TNN: variants seen among roughly 807,000 people sequenced by gnomAD.
The protein encoded by TNN is tenascin N.
Under a neutral mutation model 134.4 loss-of-function variants are expected in TNN, and 122 were observed. The observed-to-expected ratio is 0.91, with a 90% confidence interval of 0.78 to 1.06. TNN has a LOEUF of 1.06. TNN is among the 50% of genes least tolerant of loss of function. The probability of loss-of-function intolerance (pLI) is 0.00; values close to 1 mark genes in which losing one functional copy is unlikely to be tolerated. For synonymous variants in TNN, 710 were observed against 670.3 expected (o/e 1.06, Z -0.91); for missense variants, 1,739 against 1,699.4 (o/e 1.02, Z -0.41).
intron 8 of TNN, among the ~76,000 whole-genome samples, chr1:175,098,091 C>G (rs1181407998): frequency 1.3e-5 from 2 of 152,176 alleles, no homozygotes; most frequent in Non-Finnish European, 2.9e-5. Context: ...GAGAAGACAT[C>G]GTTCCTCCAA....
intron 17 of TNN, among the ~76,000 whole-genome samples, chr1:175,138,498 C>T (rs1300895123): frequency 6.6e-6 from 1 of 151,992 alleles, no homozygotes; most frequent in Non-Finnish European, 1.5e-5. Flanking sequence ...AGGCACCTAC[C>T]AGAGTATGAG....
At chr1:175,073,011 G>T (rs1378275580) in intron 1 of TNN, among the ~76,000 whole-genome samples, 1 of 114,080 alleles carries the variant, frequency 8.8e-6, no homozygotes. Context: ...CAGGCTGGGG[G>T]TGGGGGGTCG....
At chr1:175,091,297 G>T (rs1464758554) in intron 6 of TNN, among the ~76,000 whole-genome samples, 3 of 152,206 alleles carry the variant, frequency 2.0e-5, no homozygotes, top group Non-Finnish European at 4.4e-5. Context: ...GCTGTGACTG[G>T]CACTGTGAGC....
rs768005076 is a variant in TNN at position 175,105,429 on chromosome 1, T to G, written c.2119+6834T>G. Among the ~76,000 whole-genome samples the G allele has an allele frequency of 1.5e-4, 22 of 143,942 alleles. 1 individual carries two copies. Among genetic ancestry groups the G allele is most frequent in the Non-Finnish European group, 2.6e-4 (17 of 65,132 alleles). The allele number at this position is 143,942 out of a possible 152,430, so 94.4% of individuals were successfully genotyped here. On this transcript the variant is annotated intron_variant, in intron 9 of 18. Coordinates refer to ENST00000239462, the MANE Select transcript of TNN (RefSeq NM_022093.2). ...TGGGCAGGGGAGATTAGAGGAGGAG[T>G]ATCATCAATAGGAAGGGAAGCTATA...
chr1:175,110,882 T>TG (rs1470284931), intron 9 of TNN, among the ~76,000 whole-genome samples: 1 of 152,122 alleles, frequency 6.6e-6, no homozygotes, highest in Non-Finnish European at 1.5e-5. Context: ...ATTTTAGAAT[T>TG]TTTTTTTCTA....
At chr1:175,104,735 A>G (rs1394323935) in intron 9 of TNN, among the ~76,000 whole-genome samples, 1 of 145,756 alleles carries the variant, frequency 6.9e-6, no homozygotes, top group African/African-American at 2.5e-5. Flanking sequence ...CTTTCTCCTG[A>G]TATCTGTGGC....
rs1371587554 is a variant in TNN at position 175,079,643 on chromosome 1, C to T, written c.720C>T (p.His240=). ...GCTGTCCCGGCGACTGCAGCGGCCA[C>T]GGCTTCTGTGACACGGGCGAGTGCT... ...EKRCPGDCSG[H]GFCDTGECYC... The change falls in exon 3 of 19, where the codon CAC becomes CAT. Residue 240 remains histidine, a synonymous_variant. Coordinates refer to ENST00000239462, the MANE Select transcript of TNN (RefSeq NM_022093.2). 3.1e-6 allele frequency: 5 copies of T among 1,608,400 alleles called. No individual in the cohort carries two copies. Among genetic ancestry groups the T allele is most frequent in the Non-Finnish European group, 4.2e-6 (5 of 1,178,472 alleles).
chr1:175,132,669 TTA>T (rs1675704159), intron 15 of TNN, among the ~76,000 whole-genome samples: 1 of 152,234 alleles, frequency 6.6e-6, no homozygotes, highest in Non-Finnish European at 1.5e-5. Context: ...CATTCCTGTT[TTA>T]CCATGAGCTG....
In TNN at chr1:175,123,645, G is replaced by T; in HGVS notation, c.2896G>T (p.Asp966Tyr). Residue 966 changes from aspartate (D) to tyrosine (Y), a missense_variant, in exon 12 of 19, where the codon GAC becomes TAC. Coordinates refer to ENST00000239462, the MANE Select transcript of TNN (RefSeq NM_022093.2). ...QKGAQESKKADTKAQTELDPP... is the reference protein window; with the variant it reads ...QKGAQESKKAYTKAQTELDPP... ...GGGGGCCCAGGAGAGCAAGAAGGCT[G>T]ACACCAAGGCCCAGACAGGTACTGA... The T allele has an allele frequency of 6.2e-7, 1 of 1,614,232 alleles. No homozygotes were observed. Among genetic ancestry groups the T allele is most frequent in the Middle Eastern group, 1.6e-4 (1 of 6,062 alleles).
intron 11 of TNN, 51 bp from the exon 12 acceptor site, chr1:175,123,349 G>T: frequency 6.3e-7 from 1 of 1,592,132 alleles, no homozygotes; most frequent in Admixed American, 1.7e-5. Flanking sequence ...GGTAAGATGC[G>T]ATGTCTTCCT....
At chr1:175,136,018 G>A (rs1003399974) in intron 16 of TNN, 77 bp downstream of exon 16, 33 of 1,060,630 alleles carry the variant, frequency 3.1e-5, no homozygotes, top group Admixed American at 2.4e-4. Flanking sequence ...GAGGCTTAGG[G>A]AAGCTCACCA....
intron 17 of TNN, among the ~76,000 whole-genome samples, chr1:175,143,071 A>T (rs773322478): frequency 2.0e-5 from 3 of 152,054 alleles, no homozygotes; most frequent in Non-Finnish European, 4.4e-5. Flanking sequence ...CTCAGAAAGA[A>T]CCCTGGACTT....
At position 175,102,447 on chromosome 1, in the gene TNN, C is replaced by T. The variant is rs184683092; in HGVS notation, c.2119+3852C>T. ...GCTGCAGGTCCCGAGTCCTGCCCGG[C>T]GGGAAGGCAGCTAAGGCTCGGCGAG... is the stretch of plus-strand genomic sequence containing the variant. On this transcript the variant is annotated intron_variant, in intron 9 of 18. Transcript: ENST00000239462. 1.7e-4 allele frequency among the ~76,000 whole-genome samples: 25 copies of T among 146,098 alleles called. 2 individuals are homozygous for T. The highest frequency in any genetic ancestry group is 4.9e-4 in the African/African-American group (20 of 40,676).
intron 5 of TNN, 52 bp downstream of exon 5, chr1:175,083,987 G>A: frequency 1.3e-6 from 2 of 1,579,910 alleles, no homozygotes; most frequent in African/African-American, 1.3e-5. Flanking sequence ...CAGAGGTGGG[G>A]ATAGTGTGTG....
intron 17 of TNN, among the ~76,000 whole-genome samples, chr1:175,143,676 A>T (rs1325386762): frequency 6.6e-6 from 1 of 152,138 alleles, no homozygotes; most frequent in Non-Finnish European, 1.5e-5. Flanking sequence ...TCCACAGTGG[A>T]GGGTGTGTGG....
At chr1:175,091,559 T>TTTTA (rs199865867) in intron 6 of TNN, among the ~76,000 whole-genome samples, 12,821 of 141,486 alleles carry the variant, frequency 0.091, 689 homozygotes, top group Admixed American at 0.13. Context: ...TATTTATTAT[T>TTTTA]TTTATTTATT....
At chr1:175,082,480 C>T (rs1574142475) in intron 4 of TNN, among the ~76,000 whole-genome samples, 1 of 152,260 alleles carries the variant, frequency 6.6e-6, no homozygotes, top group Non-Finnish European at 1.5e-5. Flanking sequence ...TTATATAAGC[C>T]TCAAGTCACA....
intron 10 of TNN, 99 bp downstream of exon 10, chr1:175,117,304 T>C (rs1014667011): frequency 6.4e-7 from 1 of 1,571,270 alleles, no homozygotes; most frequent in Non-Finnish European, 8.6e-7. Flanking sequence ...AAGTCAATGA[T>C]TAATGGAAGA....
Position 175,147,073 on chromosome 1 carries a change from G to A in TNN, c.*2G>A. On this transcript the variant is annotated 3_prime_UTR_variant, in exon 19 of 19. Transcript: ENST00000239462. ...AGAGGAAGGCTGCGAACGTTCTGAT[G>A]GCCCGTGTGAGCAGTCCTCGCAGGA... 1 of 1,572,796 alleles carries A rather than the reference G, an allele frequency of 6.4e-7. No homozygotes were observed. The highest frequency in any genetic ancestry group is 1.4e-5 in the African/African-American group (1 of 73,208).
Sources: gnomAD v4.1 joint callset for allele counts (sites outside exome capture counted in the v4.1 genomes callset) on GRCh38, gnomAD v4.1.1 for gene constraint, MANE v1.5 for transcripts, NCBI Gene and HGNC (gene_info 2026-07-23, HGNC 2026-07-21) for gene names.